NR2C2: variants seen among roughly 807,000 people sequenced by gnomAD.
NR2C2 encodes the protein nuclear receptor subfamily 2 group C member 2.
Under a neutral mutation model 62.9 loss-of-function variants are expected in NR2C2, and 6 were observed. That is an observed-to-expected ratio of 0.10 (90% CI 0.05 to 0.19). NR2C2 has a LOEUF of 0.19. Ranked by LOEUF, NR2C2 falls within the 10% of genes least tolerant of loss-of-function variation. The pLI is 1.00. For synonymous variants in NR2C2, 272 were observed against 273.8 expected, an observed-to-expected ratio of 0.99 and a Z score of 0.07; for missense variants, 479 against 762.7, an observed-to-expected ratio of 0.63 and a Z score of 4.38.
At chr3:14,981,715 C>T (rs906611830) in intron 1 of NR2C2, among the ~76,000 whole-genome samples, 24 of 152,104 alleles carry the variant, frequency 1.6e-4, no homozygotes, top group African/African-American at 4.8e-4. Context: ...CCCAAGTCCT[C>T]AAAAGTAGGG....
At chr3:15,004,007 G>A (rs753816657) in intron 2 of NR2C2, 21 bp downstream of exon 2, 26 of 1,594,442 alleles carry the variant, frequency 1.6e-5, no homozygotes, top group Non-Finnish European at 2.2e-5. Context: ...CCTGCCAATG[G>A]CAACCCTGCC....
At chr3:15,034,600 G>A in intron 10 of NR2C2, 70 bp from the exon 11 acceptor site, 3 of 1,530,756 alleles carry the variant, frequency 2.0e-6, no homozygotes, top group Non-Finnish European at 1.8e-6. Flanking sequence ...GGGACTTAGT[G>A]CCTGGATGCC....
chr3:14,953,450 A>C lies in NR2C2; in HGVS notation c.-40+5544A>C, dbSNP rs184842793. On this transcript the variant is annotated intron_variant, in intron 1 of 13. Coordinates refer to ENST00000425241, the MANE Select transcript of NR2C2 (RefSeq NM_001291694.2). The stretch of plus-strand genomic sequence containing the variant: ...TGACTGCTGCTGAAAAGTGAAGAGA[A>C]ATGAGAGGCTGGTAGGGCTAGACTC... Among the ~76,000 whole-genome samples the C allele has an allele frequency of 1.4e-4, 22 of 152,196 alleles. 1 individual carries two copies. The East Asian group carries it at 2.9e-3, about 20-fold the overall frequency.
intron 1 of NR2C2, among the ~76,000 whole-genome samples, chr3:14,971,757 CTTT>C (rs2040046401): frequency 6.7e-6 from 1 of 149,118 alleles, no homozygotes; most frequent in South Asian, 2.1e-4. Context: ...AACAGCTTTT[CTTT>C]TTTTGTTGTT....
intron 1 of NR2C2, among the ~76,000 whole-genome samples, chr3:14,967,992 A>G (rs993292738): frequency 2.0e-5 from 3 of 152,174 alleles, no homozygotes; most frequent in Non-Finnish European, 4.4e-5. Flanking sequence ...TCAATTCAAG[A>G]TGGATTAAAG....
At chr3:15,042,341 C>G (rs1392194587) in intron 13 of NR2C2, 1 of 152,378 alleles carries the variant, frequency 6.6e-6, no homozygotes, top group Non-Finnish European at 1.5e-5. Flanking sequence ...AATCCCAATA[C>G]CCAGAGCCCA....
chr3:15,016,177 A>G lies in NR2C2; in HGVS notation c.299A>G (p.Glu100Gly), dbSNP rs779183935. The G allele has an allele frequency of 1.2e-6, 2 of 1,613,792 alleles. No homozygotes were observed. The highest frequency in any genetic ancestry group is 1.7e-6 in the Non-Finnish European group (2 of 1,179,902). ...IQIVTDSASVERLLGKTDVQR... is the reference protein window; with the variant it reads ...IQIVTDSASVGRLLGKTDVQR... The stretch of plus-strand genomic sequence containing the variant: ...ATTGTCACGGATTCTGCCTCTGTGG[A>G]GCGTTTACTGGGGAAGACGGACGTC... Residue 100 changes from glutamate (E) to glycine (G), a missense_variant, in exon 4 of 14, where the codon GAG becomes GGG. Glu to Gly is a moderately conservative substitution (Grantham distance 98, BLOSUM62 -2). Around this residue, in one of 4 missense-constraint regions of NR2C2, gnomAD observed 115 missense variants for 152.3 expected, o/e 0.76. Transcript: ENST00000425241.
rs774164763 is a variant in NR2C2 at position 15,038,156 on chromosome 3, A to C, written c.1510+19A>C. On this transcript the variant is annotated intron_variant, in intron 12 of 13. Coordinates refer to ENST00000425241, the MANE Select transcript of NR2C2 (RefSeq NM_001291694.2). ...AGCCCCGGTAAGATATGCGGTGGGG[A>C]TGCATGACCCCTTTCCACCTGTATC... 10 of 1,598,764 alleles carry C rather than the reference A, an allele frequency of 6.3e-6. No individual in the cohort carries two copies. In the South Asian group the frequency reaches 1.1e-4, roughly 18 times the overall value.
intron 1 of NR2C2, among the ~76,000 whole-genome samples, chr3:14,963,619 CCA>C (rs2039751272): frequency 6.6e-6 from 1 of 152,038 alleles, no homozygotes; most frequent in African/African-American, 2.4e-5. Context: ...CAGGCACCCG[CCA>C]CACCACGCCC....
rs2042432691 is a variant in NR2C2, at chr3:15,045,890, G to A, written c.*2882G>A. ...TGAGGAGAGGCAGCTGGCTCAGAGA[G>A]GTGGGACAGACACATGCTGTCATCA... is the stretch of plus-strand genomic sequence containing the variant. On this transcript the variant is annotated 3_prime_UTR_variant, in exon 14 of 14. Coordinates refer to ENST00000425241, the MANE Select transcript of NR2C2 (RefSeq NM_001291694.2). 6.6e-6 allele frequency: 1 copy of A among 152,252 alleles called. No homozygotes were observed. Among genetic ancestry groups the A allele is most frequent in the African/African-American group, 2.4e-5 (1 of 41,462 alleles). 9.4% of individuals were successfully genotyped at this position (152,252 alleles called of 1,614,324 possible).
chr3:14,958,709 G>A (rs1055445798), intron 1 of NR2C2, among the ~76,000 whole-genome samples: 2 of 152,168 alleles, frequency 1.3e-5, no homozygotes, highest in Admixed American at 6.5e-5. Flanking sequence ...TGGGTGCTGC[G>A]GCTAATGCCT....
chr3:14,959,057 C>T (rs1474012884), intron 1 of NR2C2: 1 of 152,214 alleles, frequency 6.6e-6, no homozygotes, highest in African/African-American at 2.4e-5. Flanking sequence ...TCCTTGGAGC[C>T]TCTTATTCTA....
rs74425563 is a variant in NR2C2, at chr3:15,010,131, G to A, written c.73-3458G>A. Among the ~76,000 whole-genome samples the A allele has an allele frequency of 7.0e-3, 1,068 of 152,210 alleles. 9 individuals carry two copies. The highest frequency in any genetic ancestry group is 0.024 in the African/African-American group (992 of 41,512). ...TGCACAATACCTCTCCTCCACAGCC[G>A]ACTTAAATTTTAATGAGCTTGGATA... On this transcript the variant is annotated intron_variant, in intron 2 of 13. Transcript: ENST00000425241.
At chr3:14,971,958 G>A (rs1243986695) in intron 1 of NR2C2, among the ~76,000 whole-genome samples, 4 of 150,618 alleles carry the variant, frequency 2.7e-5, no homozygotes, top group East Asian at 2.0e-4. Context: ...ACAGGCATGC[G>A]CCACCACGCC....
chr3:15,039,095 T>G (rs1559311494), intron 12 of NR2C2, 27 bp from the exon 13 acceptor site: 4 of 1,443,274 alleles, frequency 2.8e-6, no homozygotes, highest in Admixed American at 3.5e-5. Flanking sequence ...CAGAGGGAAC[T>G]GGGGGGGGGT....
intron 5 of NR2C2, among the ~76,000 whole-genome samples, chr3:15,022,195 T>C (rs928988677): frequency 3.3e-5 from 5 of 152,234 alleles, no homozygotes; most frequent in African/African-American, 1.2e-4. Flanking sequence ...CAGTTGCTTC[T>C]AACATGCATA....
At chr3:14,952,057 T>C (rs1218697375) in intron 1 of NR2C2, among the ~76,000 whole-genome samples, 1 of 152,198 alleles carries the variant, frequency 6.6e-6, no homozygotes, top group Non-Finnish European at 1.5e-5. Flanking sequence ...CTGGGAAGTT[T>C]TTAGCATCTG....
chr3:15,016,114 T>C (rs2041504717), intron 3 of NR2C2, 38 bp from the exon 4 acceptor site: 1 of 1,534,334 alleles, frequency 6.5e-7, no homozygotes, highest in African/African-American at 1.4e-5. Flanking sequence ...GATTTGATTT[T>C]TAATTGGCAC....
intron 1 of NR2C2, among the ~76,000 whole-genome samples, chr3:14,997,234 A>AAT (rs2040859412): frequency 6.6e-6 from 1 of 152,238 alleles, no homozygotes; most frequent in African/African-American, 2.4e-5. Flanking sequence ...TTTGTAGCCT[A>AAT]GGGGCAATAG....
Sources: allele counts gnomAD v4.1 joint callset (sites outside exome capture counted in the v4.1 genomes callset), GRCh38; gene constraint gnomAD v4.1.1; regional missense constraint gnomAD v4.1.1; transcripts MANE v1.5; gene names NCBI Gene and HGNC (gene_info 2026-07-23, HGNC 2026-07-21).